ANKRD44: variants seen among roughly 807,000 people sequenced by gnomAD.
The protein encoded by ANKRD44 is serine/threonine-protein phosphatase 6 regulatory ankyrin repeat subunit B.
Under a neutral mutation model 116.0 loss-of-function variants are expected in ANKRD44, and 35 were observed. The observed-to-expected ratio is 0.30, with a 90% CI of 0.23 to 0.40. The LOEUF (loss-of-function observed/expected upper bound fraction) is 0.40. ANKRD44 is among the 10% of genes least tolerant of loss of function. The probability of loss-of-function intolerance (pLI) is 1.00; values close to 1 mark genes in which losing one functional copy is unlikely to be tolerated. For synonymous variants in ANKRD44, 435 were observed against 461.8 expected (o/e 0.94, Z 0.74); for missense variants, 1,014 against 1,242.6 (o/e 0.82, Z 2.77).
Position 197,099,758 on chromosome 2 carries a change from T to C in ANKRD44, c.1100+58A>G, listed in dbSNP as rs2078245668. ...GAACTATCTACTGCACGGAAGAATCTTTTTGGCAGTATTCCCACTTGAGGC... is the reference window on the plus strand; with the variant it reads ...GAACTATCTACTGCACGGAAGAATCCTTTTGGCAGTATTCCCACTTGAGGC... On this transcript the variant is annotated intron_variant, in intron 10 of 27. Transcript: ENST00000282272. 1.9e-6 allele frequency: 3 copies of C among 1,604,294 alleles called. No individual in the cohort carries two copies. In the East Asian group the frequency reaches 6.7e-5, roughly 36 times the overall value.
intron 16 of ANKRD44, among the ~76,000 whole-genome samples, chr2:197,049,387 C>G (rs1269490317): frequency 6.6e-6 from 1 of 152,080 alleles, no homozygotes; most frequent in Non-Finnish European, 1.5e-5. Flanking sequence ...AAGGATTTTT[C>G]CATAACATTT....
chr2:197,247,313 C>T (rs905206064), intron 1 of ANKRD44, among the ~76,000 whole-genome samples: 2 of 152,194 alleles, frequency 1.3e-5, no homozygotes, highest in Non-Finnish European at 2.9e-5. Flanking sequence ...AACAGATCTG[C>T]ATCCCAGATG....
intron 1 of ANKRD44, among the ~76,000 whole-genome samples, chr2:197,224,430 T>C (rs1045428922): frequency 6.6e-6 from 1 of 152,208 alleles, no homozygotes; most frequent in Non-Finnish European, 1.5e-5. Flanking sequence ...TCCCAATGGG[T>C]AAGCCTGAAT....
At chr2:197,211,616 A>G (rs1399314424) in intron 1 of ANKRD44, among the ~76,000 whole-genome samples, 1 of 152,194 alleles carries the variant, frequency 6.6e-6, no homozygotes, top group East Asian at 1.9e-4. Context: ...AAAATTAACC[A>G]TCTGTGAAAT....
chr2:197,116,065 T>C (rs1217768790), intron 8 of ANKRD44, among the ~76,000 whole-genome samples: 1 of 152,208 alleles, frequency 6.6e-6, no homozygotes, highest in Admixed American at 6.5e-5. Flanking sequence ...TAAGGAATTA[T>C]GCTTTTCAGC....
intron 16 of ANKRD44, among the ~76,000 whole-genome samples, chr2:197,069,407 C>A (rs1024911281): frequency 6.6e-6 from 1 of 152,092 alleles, no homozygotes; most frequent in Non-Finnish European, 1.5e-5. Context: ...ATGTAACAAA[C>A]CTGCACGTTG....
At position 196,988,646 on chromosome 2, in the gene ANKRD44, C is replaced by T. The variant is rs2075866378; in HGVS notation, c.*945G>A. ...TGATAGAACATTATTTTTGAAATAT[C>T]TCACATACACTATAAAATAGCAATT... is the stretch of plus-strand genomic sequence containing the variant. On this transcript the variant is annotated 3_prime_UTR_variant, in exon 28 of 28. Transcript: ENST00000282272. The T allele has an allele frequency of 1.0e-6, 1 of 985,014 alleles. No homozygotes were observed. The highest frequency in any genetic ancestry group is 4.7e-5 in the South Asian group (1 of 21,282). The allele number at this position is 985,014 out of a possible 1,614,324, so 61.0% of individuals were successfully genotyped here. A position where few individuals can be genotyped will look rare whatever the true frequency, so the allele number is the denominator to read the frequency against.
chr2:197,067,307 G>T (rs1234968247), intron 16 of ANKRD44, among the ~76,000 whole-genome samples: 1 of 152,118 alleles, frequency 6.6e-6, no homozygotes, highest in Non-Finnish European at 1.5e-5. Flanking sequence ...AGACTTAAAT[G>T]TTAGACCTAA....
chr2:197,025,694 A>G (rs1212749687), intron 16 of ANKRD44, among the ~76,000 whole-genome samples: 1 of 152,270 alleles, frequency 6.6e-6, no homozygotes, highest in African/African-American at 2.4e-5. Flanking sequence ...TGTAATGAGA[A>G]TAAAATACGG....
intron 1 of ANKRD44, among the ~76,000 whole-genome samples, chr2:197,261,162 T>C (rs2082592828): frequency 1.3e-5 from 2 of 151,478 alleles, no homozygotes; most frequent in Non-Finnish European, 3.0e-5. Context: ...CATGCCTATG[T>C]CCTGAATGGT....
At chr2:197,237,722 TTTTA>T in intron 1 of ANKRD44, among the ~76,000 whole-genome samples, 1 of 152,318 alleles carries the variant, frequency 6.6e-6, no homozygotes, top group East Asian at 1.9e-4. Flanking sequence ...GGTCTGATTG[TTTTA>T]TTTATTTTGT....
chr2:197,076,202 C>G (rs2077662303), intron 16 of ANKRD44, among the ~76,000 whole-genome samples: 1 of 152,174 alleles, frequency 6.6e-6, no homozygotes, highest in Non-Finnish European at 1.5e-5. Flanking sequence ...GTCTCTTTGT[C>G]AACATAACTC....
In ANKRD44 at chr2:197,212,851, A is replaced by G. The variant is rs2081355683; in HGVS notation, c.28-25745T>C. Among the ~76,000 whole-genome samples the G allele has an allele frequency of 1.3e-5, 2 of 152,352 alleles. No homozygotes were observed. Among genetic ancestry groups the G allele is most frequent in the South Asian group, 4.1e-4 (2 of 4,832 alleles). On this transcript the variant is annotated intron_variant, in intron 1 of 27. Coordinates refer to ENST00000282272, the MANE Select transcript of ANKRD44 (RefSeq NM_001195144.2). This position sits in a 1 kb window ranked among gnomAD's most constrained non-coding sequence, Gnocchi z 4.8. The stretch of plus-strand genomic sequence containing the variant: ...ACATGCCCACGGTGAGAGAGAAAAA[A>G]GGAAACACGACCCCACAGCTTCCTC...
At chr2:196,995,182 A>G (rs906511437) in intron 26 of ANKRD44, 197 bp downstream of exon 26, 3 of 364,456 alleles carry the variant, frequency 8.2e-6, no homozygotes, top group African/African-American at 6.3e-5. Context: ...TATCAAAAGA[A>G]GGATTCTAAC....
intron 1 of ANKRD44, among the ~76,000 whole-genome samples, chr2:197,246,778 A>G (rs558137264): frequency 5.7e-4 from 87 of 152,182 alleles, no homozygotes; most frequent in African/African-American, 2.0e-3. Context: ...CTATAACACT[A>G]TGAGGTACGT....
At chr2:197,152,884 G>A (rs1442677496) in intron 2 of ANKRD44, among the ~76,000 whole-genome samples, 1 of 152,102 alleles carries the variant, frequency 6.6e-6, no homozygotes, top group Non-Finnish European at 1.5e-5. Context: ...AAGACAGAAA[G>A]ATGGAGCAAT....
At position 197,186,612 on chromosome 2, in the gene ANKRD44, C is replaced by CTTTTTTTTTTTTTTTTTTT. The variant is rs149107038; in HGVS notation, c.111+392_111+410dup. On this transcript the variant is annotated intron_variant, in intron 2 of 27. Coordinates refer to ENST00000282272, the MANE Select transcript of ANKRD44 (RefSeq NM_001195144.2). ...CCATCACTATGCCCGGCTAATTTTT[C>CTTTTTTTTTTTTTTTTTTT]TTTTTTTTTTTTTTTTTTTTTTTTT... is the stretch of plus-strand genomic sequence containing the variant. 3.9e-4 allele frequency among the ~76,000 whole-genome samples: 20 copies of CTTTTTTTTTTTTTTTTTTT among 50,806 alleles called. 2 individuals carry two copies. The highest frequency in any genetic ancestry group is 4.4e-4 in the Non-Finnish European group (10 of 22,762). The allele number at this position is 50,806 out of a possible 152,430, so 33.3% of individuals were successfully genotyped here. A position where few individuals can be genotyped will look rare whatever the true frequency, so the allele number is the denominator to read the frequency against.
chr2:197,022,323 T>G (rs1469711325), intron 17 of ANKRD44, among the ~76,000 whole-genome samples: 1 of 152,238 alleles, frequency 6.6e-6, no homozygotes, highest in African/African-American at 2.4e-5. Context: ...CTTGCCTGGT[T>G]TGCTTTGCTT....
chr2:197,076,036 C>T (rs1332871772), intron 16 of ANKRD44, among the ~76,000 whole-genome samples: 2 of 152,158 alleles, frequency 1.3e-5, no homozygotes, highest in South Asian at 2.1e-4. Flanking sequence ...GTCCCTGGAC[C>T]GGTAGTGAAG....
Sources: gnomAD v4.1 joint callset for allele counts (sites outside exome capture counted in the v4.1 genomes callset) on GRCh38, gnomAD v4.1.1 for gene constraint, Gnocchi (gnomAD v3.1) non-coding constraint, MANE v1.5 for transcripts, NCBI Gene and HGNC (gene_info 2026-07-23, HGNC 2026-07-21) for gene names.